The following SNX10 variants were observed in gnomAD, a reference collection of about 807,000 sequenced individuals.
SNX10 encodes the protein sorting nexin 10.
Under a neutral mutation model 28.5 loss-of-function variants are expected in SNX10, and 25 were observed. That is an observed-to-expected ratio of 0.88 (90% CI 0.64 to 1.22). SNX10 has a LOEUF of 1.22. SNX10 is among the 50% of genes most tolerant of loss of function. SNX10 has a pLI of 0.00. For synonymous variants in SNX10, 62 were observed against 81.4 expected, an observed-to-expected ratio of 0.76 and a Z score of 1.28; for missense variants, 223 against 242.6, an observed-to-expected ratio of 0.92 and a Z score of 0.54.
At chr7:26,302,615 T>C (rs997209996) in intron 1 of SNX10, among the ~76,000 whole-genome samples, 14 of 152,232 alleles carry the variant, frequency 9.2e-5, no homozygotes, top group Admixed American at 7.9e-4. Flanking sequence ...ACTCTTATTC[T>C]TTGTTTTCAC....
chr7:26,308,852 C>T (rs961703301), intron 1 of SNX10, among the ~76,000 whole-genome samples: 1 of 152,054 alleles, frequency 6.6e-6, no homozygotes, highest in Non-Finnish European at 1.5e-5. Context: ...GATAATGTCC[C>T]CAGGTAGGTA....
At chr7:26,335,767 G>A (rs1452871522) in intron 1 of SNX10, among the ~76,000 whole-genome samples, 7 of 101,532 alleles carry the variant, frequency 6.9e-5, no homozygotes, top group Admixed American at 3.7e-4. Context: ...TTTTTGAGAC[G>A]GAGTCTCGTT....
chr7:26,370,606 GTTTTA>G (rs1789482520), intron 5 of SNX10: 1 of 152,080 alleles, frequency 6.6e-6, no homozygotes, highest in South Asian at 2.1e-4. Flanking sequence ...AGAAATAATT[GTTTTA>G]TTTTGTAGAA....
intron 5 of SNX10, among the ~76,000 whole-genome samples, chr7:26,368,935 A>G (rs998926933): frequency 2.6e-5 from 4 of 152,162 alleles, no homozygotes; most frequent in Non-Finnish European, 5.9e-5. Context: ...TTAGGATGAA[A>G]TGATTTTGCA....
chr7:26,304,248 T>C (rs1181922445), intron 1 of SNX10, among the ~76,000 whole-genome samples: 1 of 152,228 alleles, frequency 6.6e-6, no homozygotes, highest in African/African-American at 2.4e-5. Context: ...TTTGTTTGTT[T>C]AGACCAGAAA....
At chr7:26,318,694 A>ACC (rs1475154650) in intron 1 of SNX10, among the ~76,000 whole-genome samples, 1 of 152,084 alleles carries the variant, frequency 6.6e-6, no homozygotes, top group African/African-American at 2.4e-5. Context: ...CTGCTTTCGA[A>ACC]CTTGAGACTC....
chr7:26,361,850 T>C (rs954733255), intron 3 of SNX10, among the ~76,000 whole-genome samples: 4 of 152,216 alleles, frequency 2.6e-5, no homozygotes, highest in African/African-American at 9.6e-5. Flanking sequence ...CAGGCTGTAG[T>C]TTATTGGCCC....
intron 1 of SNX10, among the ~76,000 whole-genome samples, chr7:26,325,289 T>C (rs979684289): frequency 9.2e-5 from 5 of 54,056 alleles, no homozygotes; most frequent in Non-Finnish European, 2.9e-4. Flanking sequence ...TGAATTTTTT[T>C]CTACTGAAGT....
intron 1 of SNX10, among the ~76,000 whole-genome samples, chr7:26,334,604 C>G (rs1399909866): frequency 1.3e-5 from 2 of 152,054 alleles, no homozygotes; most frequent in Non-Finnish European, 2.9e-5. Flanking sequence ...CTAAATTTGG[C>G]CTACTATCAA....
Position 26,346,899 on chromosome 7 carries a change from C to T in SNX10, c.24+433C>T, listed in dbSNP as rs185078344. On this transcript the variant is annotated intron_variant, in intron 2 of 6. Transcript: ENST00000338523. The stretch of plus-strand genomic sequence containing the variant: ...TTTCATACAACACTGGCAAAACTGG[C>T]CCTTCTGCCTGCAGCCTGGCTTCCC... Among the ~76,000 whole-genome samples, 14 of 152,378 alleles carry T rather than the reference C, an allele frequency of 9.2e-5. No homozygotes were observed. The East Asian group carries it at 2.7e-3, about 29-fold the overall frequency.
At chr7:26,311,036 CA>C (rs1786820515) in intron 1 of SNX10, among the ~76,000 whole-genome samples, 1 of 152,136 alleles carries the variant, frequency 6.6e-6, no homozygotes, top group Non-Finnish European at 1.5e-5. Flanking sequence ...CTGGAGTGTA[CA>C]GAAGAGCTTG....
chr7:26,330,575 G>C (rs1787705879), intron 1 of SNX10, among the ~76,000 whole-genome samples: 1 of 152,128 alleles, frequency 6.6e-6, no homozygotes, highest in Non-Finnish European at 1.5e-5. Context: ...TGGAAGGAAG[G>C]GTTAGAAGAG....
chr7:26,293,595 A>G (rs1786006692), intron 1 of SNX10, among the ~76,000 whole-genome samples: 1 of 152,250 alleles, frequency 6.6e-6, no homozygotes, highest in Admixed American at 6.5e-5. Flanking sequence ...ATACATTTAG[A>G]AGAAACTGTG....
At chr7:26,335,945 G>GTTAGCCAGGA (rs1562802658) in intron 1 of SNX10, among the ~76,000 whole-genome samples, 2 of 151,162 alleles carry the variant, frequency 1.3e-5, no homozygotes, top group Non-Finnish European at 3.0e-5. Context: ...GGGTTTCACC[G>GTTAGCCAGGA]TGGTCTCGAT....
intron 1 of SNX10, among the ~76,000 whole-genome samples, chr7:26,322,065 T>C (rs747403697): frequency 6.6e-6 from 1 of 152,162 alleles, no homozygotes; most frequent in Non-Finnish European, 1.5e-5. Flanking sequence ...ATCCTGTTCT[T>C]TTGAACATGA....
intron 1 of SNX10, among the ~76,000 whole-genome samples, chr7:26,332,802 T>G (rs1241112518): frequency 6.6e-6 from 1 of 152,230 alleles, no homozygotes; most frequent in Admixed American, 6.5e-5. Context: ...TATCTACTTG[T>G]CCCAGCACCA....
At chr7:26,318,159 A>G (rs1013128577) in intron 1 of SNX10, among the ~76,000 whole-genome samples, 2 of 152,214 alleles carry the variant, frequency 1.3e-5, no homozygotes, top group African/African-American at 4.8e-5. Flanking sequence ...TCAATCTTGA[A>G]TAGCCAGGCT....
At chr7:26,362,338 C>T (rs1372376356) in intron 3 of SNX10, among the ~76,000 whole-genome samples, 1 of 152,158 alleles carries the variant, frequency 6.6e-6, no homozygotes, top group Non-Finnish European at 1.5e-5. Flanking sequence ...ATTGTGCGTC[C>T]TTATCACACA....
chr7:26,349,681 CT>C (rs11284730), intron 2 of SNX10, among the ~76,000 whole-genome samples: 4,040 of 152,282 alleles, frequency 0.027, 168 homozygotes, highest in African/African-American at 0.092. Flanking sequence ...ATCAACTCTT[CT>C]GTTTAATGAG....
Sources: allele counts gnomAD v4.1 joint callset (sites outside exome capture counted in the v4.1 genomes callset), GRCh38; gene constraint gnomAD v4.1.1; transcripts MANE v1.5; gene names NCBI Gene and HGNC (gene_info 2026-07-23, HGNC 2026-07-21).